The following TRDN variants were observed in gnomAD, a reference collection of about 807,000 sequenced individuals.
TRDN encodes the protein triadin in skeletal muscle.
Under a neutral mutation model 149.7 loss-of-function variants are expected in TRDN, and 161 were observed. The observed-to-expected ratio is 1.08, with a 90% CI of 0.95 to 1.23. TRDN has a LOEUF of 1.23. Ranked by LOEUF, TRDN falls within the 50% of genes most tolerant of loss-of-function variation. TRDN has a pLI of 0.00. For missense variants in TRDN, 896 were observed against 823.5 expected (o/e 1.09, Z -1.08); for synonymous variants, 294 against 250.5 (o/e 1.17, Z -1.64).
chr6:123,300,021 C>T (rs1778346064), intron 24 of TRDN, among the ~76,000 whole-genome samples: 1 of 151,862 alleles, frequency 6.6e-6, no homozygotes, highest in South Asian at 2.1e-4. Context: ...TCTTAACAGT[C>T]AAGTGTTTAA....
At chr6:123,316,609 G>T in intron 23 of TRDN, 114 bp from the exon 24 acceptor site, 1 of 794,946 alleles carries the variant, frequency 1.3e-6, no homozygotes, top group Non-Finnish European at 2.0e-6. Flanking sequence ...TTTCTTGTCT[G>T]TTTTCAATTT....
intron 23 of TRDN, among the ~76,000 whole-genome samples, chr6:123,321,798 A>G (rs1054879829): frequency 2.0e-5 from 3 of 151,940 alleles, no homozygotes; most frequent in Non-Finnish European, 2.9e-5. Context: ...TCAGTCTGCT[A>G]TACTAGATGG....
intron 12 of TRDN, among the ~76,000 whole-genome samples, chr6:123,399,663 C>G (rs1772881476): frequency 6.6e-6 from 1 of 152,154 alleles, no homozygotes; most frequent in South Asian, 2.1e-4. Context: ...ACAGTACCAG[C>G]TGGTCACTCA....
chr6:123,386,119 T>C (rs1781898361), intron 14 of TRDN, among the ~76,000 whole-genome samples: 1 of 152,308 alleles, frequency 6.6e-6, no homozygotes, highest in East Asian at 1.9e-4. Flanking sequence ...TAAAAGTTAA[T>C]TGGACATGGT....
chr6:123,459,278 G>A (rs1036681835), intron 10 of TRDN, among the ~76,000 whole-genome samples: 2 of 152,154 alleles, frequency 1.3e-5, no homozygotes, highest in Admixed American at 1.3e-4. Flanking sequence ...CATGTCCTCT[G>A]AATGTGGGCT....
At chr6:123,382,304 T>C (rs1242849685) in intron 14 of TRDN, among the ~76,000 whole-genome samples, 157 bp from the exon 15 acceptor site, 1 of 151,696 alleles carries the variant, frequency 6.6e-6, no homozygotes, top group East Asian at 1.9e-4. Flanking sequence ...AACTGTTCTG[T>C]TTTGTGGGAA....
intron 1 of TRDN, among the ~76,000 whole-genome samples, chr6:123,609,949 T>C (rs1473746625): frequency 1.3e-5 from 2 of 152,158 alleles, no homozygotes; most frequent in Non-Finnish European, 2.9e-5. Flanking sequence ...TAAGAAACTT[T>C]CCAAATAATT....
At chr6:123,606,496 G>C (rs1449137299) in intron 1 of TRDN, among the ~76,000 whole-genome samples, 1 of 151,794 alleles carries the variant, frequency 6.6e-6, no homozygotes, top group Non-Finnish European at 1.5e-5. Context: ...TTCATTCTCA[G>C]GAAGTTCCTC....
chr6:123,291,373 G>T (rs753126008), intron 24 of TRDN, among the ~76,000 whole-genome samples: 1 of 151,956 alleles, frequency 6.6e-6, no homozygotes, highest in Non-Finnish European at 1.5e-5. Context: ...GACCATCCTG[G>T]CTAACACGGT....
intron 1 of TRDN, among the ~76,000 whole-genome samples, chr6:123,624,608 G>C (rs1259119484): frequency 6.6e-6 from 1 of 152,130 alleles, no homozygotes; most frequent in Non-Finnish European, 1.5e-5. Flanking sequence ...CCACTGGCCT[G>C]ACCACTAGTT....
chr6:123,351,744 T>C, intron 21 of TRDN: 1 of 919,500 alleles, frequency 1.1e-6, no homozygotes, highest in South Asian at 5.0e-5. Context: ...GGAGAAATCA[T>C]TTAGACTTTG....
chr6:123,517,460 T>C (rs1779468155), intron 5 of TRDN, among the ~76,000 whole-genome samples: 1 of 152,148 alleles, frequency 6.6e-6, no homozygotes, highest in South Asian at 2.1e-4. Flanking sequence ...GACTCCTCTG[T>C]TACAAATATT....
intron 1 of TRDN, among the ~76,000 whole-genome samples, chr6:123,595,542 T>G (rs921599562): frequency 3.3e-5 from 5 of 152,158 alleles, no homozygotes; most frequent in Admixed American, 3.3e-4. Flanking sequence ...CTTTATCACA[T>G]TGCAGATCCT....
chr6:123,278,931 G>A (rs2114627303), intron 25 of TRDN, 125 bp downstream of exon 25: 2 of 819,896 alleles, frequency 2.4e-6, no homozygotes, highest in Non-Finnish European at 3.6e-6. Flanking sequence ...CACAAAACAA[G>A]CCTTTGACTT....
chr6:123,533,175 A>G (rs1780333189), intron 4 of TRDN, among the ~76,000 whole-genome samples: 2 of 152,170 alleles, frequency 1.3e-5, no homozygotes, highest in African/African-American at 4.8e-5. Flanking sequence ...AAATTGAAAA[A>G]TTGCATGGAA....
At chr6:123,306,379 G>A (rs1402006683) in intron 24 of TRDN, among the ~76,000 whole-genome samples, 2 of 152,072 alleles carry the variant, frequency 1.3e-5, no homozygotes, top group African/African-American at 4.8e-5. Flanking sequence ...TGATTGATTA[G>A]TGATGCTTTC....
intron 5 of TRDN, 145 bp from the exon 6 acceptor site, chr6:123,516,351 T>G (rs1481927003): frequency 3.0e-6 from 3 of 1,008,630 alleles, no homozygotes; most frequent in Non-Finnish European, 3.9e-6. Context: ...TAGTTAGAGG[T>G]TTAAACTTCA....
chr6:123,463,673 C>T (rs1189079467), intron 10 of TRDN, among the ~76,000 whole-genome samples: 2 of 151,782 alleles, frequency 1.3e-5, no homozygotes, highest in Admixed American at 6.6e-5. Flanking sequence ...AACATTTTGG[C>T]GAGTGAGATA....
intron 5 of TRDN, among the ~76,000 whole-genome samples, chr6:123,525,189 A>C (rs1779883587): frequency 6.6e-6 from 1 of 152,086 alleles, no homozygotes; most frequent in East Asian, 1.9e-4. Context: ...TGACCCAGCA[A>C]TGCCACTATG....
Sources: gnomAD v4.1 joint callset for allele counts (sites outside exome capture counted in the v4.1 genomes callset) on GRCh38, gnomAD v4.1.1 for gene constraint, MANE v1.5 for transcripts, NCBI Gene and HGNC (gene_info 2026-07-23, HGNC 2026-07-21) for gene names.